KDM2B: variants seen among roughly 807,000 people sequenced by gnomAD.
The protein encoded by KDM2B is lysine-specific demethylase 2B.
Under a neutral mutation model 150.0 loss-of-function variants are expected in KDM2B, and 26 were observed. The observed-to-expected ratio is 0.17, with a 90% CI of 0.13 to 0.24. The LOEUF (loss-of-function observed/expected upper bound fraction) is 0.24, where lower values mean the gene tolerates loss of function less well. Ranked by LOEUF, KDM2B falls within the 10% of genes least tolerant of loss-of-function variation. KDM2B has a pLI of 1.00. For missense variants in KDM2B, 1,265 were observed against 1,816.9 expected, an observed-to-expected ratio of 0.70 and a Z score of 5.52; for synonymous variants, 734 against 729.5, an observed-to-expected ratio of 1.01 and a Z score of -0.10.
At chr12:121,420,782 G>C in the KDM2B span, 1 of 1,605,108 alleles carries the variant, frequency 6.2e-7, no homozygotes, top group Admixed American at 1.7e-5. Context: ...AAGTCCTGTA[G>C]GTTTATCTTT....
intron 4 of KDM2B, among the ~76,000 whole-genome samples, chr12:121,564,253 C>G (rs1387766896): frequency 6.6e-6 from 1 of 151,776 alleles, no homozygotes; most frequent in Non-Finnish European, 1.5e-5. Context: ...GTCAGGAGAT[C>G]GAGACCATCC....
intron 12 of KDM2B, among the ~76,000 whole-genome samples, chr12:121,459,973 T>C (rs951543360): frequency 9.2e-5 from 14 of 152,080 alleles, no homozygotes; most frequent in Non-Finnish European, 1.5e-4. Context: ...AACTCAATAA[T>C]AAAGAGATGA....
the KDM2B span, chr12:121,420,304 T>G: frequency 2.5e-6 from 4 of 1,583,602 alleles, no homozygotes; most frequent in South Asian, 3.4e-5. Context: ...ATGAGGATGA[T>G]GATGATGAAG....
At chr12:121,455,413 T>C (rs1878058832) in intron 12 of KDM2B, among the ~76,000 whole-genome samples, 1 of 152,078 alleles carries the variant, frequency 6.6e-6, no homozygotes, top group African/African-American at 2.4e-5. Flanking sequence ...AAAGGGACCA[T>C]CCAAAGCAGC....
chr12:121,504,462 G>A (rs1174336814), intron 11 of KDM2B, among the ~76,000 whole-genome samples: 1 of 152,144 alleles, frequency 6.6e-6, no homozygotes, highest in Non-Finnish European at 1.5e-5. Flanking sequence ...TTGAGCCTGG[G>A]GGGTTGAGGC....
intron 11 of KDM2B, among the ~76,000 whole-genome samples, chr12:121,495,548 C>T (rs1883842863): frequency 6.6e-6 from 1 of 152,208 alleles, no homozygotes; most frequent in African/African-American, 2.4e-5. Context: ...AATCCTCCCT[C>T]CTTAGCCTAC....
rs1883719812 is a variant in KDM2B at position 121,494,651 on chromosome 12, C to T, written c.1662G>A (p.Glu554=). The T allele has an allele frequency of 6.2e-7, 1 of 1,612,190 alleles. No individual in the cohort carries two copies. The highest frequency in any genetic ancestry group is 1.1e-5 in the South Asian group (1 of 90,708). The change falls in exon 12 of 23, where the codon GAG becomes GAA. Residue 554 remains glutamate (E), a synonymous_variant. Transcript: ENST00000377071. ...LLEGVKNVLK[E]HADDDPSLAI... ...CCAGACTAGGGTCATCATCTGCGTGCTCCTTCAGGACGTTCTGTGGCCAAA... is the reference window on the plus strand; with the variant it reads ...CCAGACTAGGGTCATCATCTGCGTGTTCCTTCAGGACGTTCTGTGGCCAAA...
chr12:121,446,654 T>C lies in KDM2B; in HGVS notation c.1960-1236A>G, dbSNP rs570386965. Among the ~76,000 whole-genome samples the C allele has an allele frequency of 3.9e-4, 60 of 152,330 alleles. No homozygotes were observed. The South Asian group carries it at 0.01, about 26-fold the overall frequency. ...CTGATAGAAACCCCCTGGACACTGG[T>C]GTATTTTTGTGAAGATCAAAGAAGT... On this transcript the variant is annotated intron_variant, in intron 13 of 22. Coordinates refer to ENST00000377071, the MANE Select transcript of KDM2B (RefSeq NM_032590.5).
chr12:121,420,450 A>G, the KDM2B span: 29 of 1,554,366 alleles, frequency 1.9e-5, no homozygotes, highest in Non-Finnish European at 2.3e-5. Flanking sequence ...TGAATGTAGG[A>G]CAGTATACTG....
At chr12:121,444,336 T>TC in intron 15 of KDM2B, 64 bp from the exon 16 acceptor site, 1 of 1,607,488 alleles carries the variant, frequency 6.2e-7, no homozygotes, top group South Asian at 1.1e-5. Context: ...CCCTTCCTCC[T>TC]CCCCAGGCCG....
intron 11 of KDM2B, among the ~76,000 whole-genome samples, chr12:121,499,384 G>A (rs1474402554): frequency 6.6e-6 from 1 of 151,186 alleles, no homozygotes. Context: ...GCCTCCCAAA[G>A]TGCTAGGATT....
At chr12:121,459,747 T>C (rs1878836301) in intron 12 of KDM2B, among the ~76,000 whole-genome samples, 1 of 151,922 alleles carries the variant, frequency 6.6e-6, no homozygotes, top group Non-Finnish European at 1.5e-5. Context: ...AGAGAATCGC[T>C]TGAACCCAGG....
chr12:121,510,796 AAAT>A (rs58239095), intron 10 of KDM2B, among the ~76,000 whole-genome samples: 88,821 of 146,276 alleles, frequency 0.61, 28,552 homozygotes, highest in African/African-American at 0.83. Flanking sequence ...CTGTCTCAAA[AAAT>A]AATAATAATA....
Position 121,509,946 on chromosome 12 carries a change from T to G in KDM2B, c.1268A>C (p.Glu423Ala). 2 of 1,611,840 alleles carry G rather than the reference T, an allele frequency of 1.2e-6. No homozygotes were observed. Among genetic ancestry groups the G allele is most frequent in the Non-Finnish European group, 1.7e-6 (2 of 1,179,154 alleles). The change falls in exon 11 of 23, where the codon GAG (glutamate) becomes GCG (alanine). Residue 423 changes from glutamate (E) to alanine (A), a missense_variant. Around this residue, in one of 11 missense-constraint regions of KDM2B, gnomAD observed 154 missense variants for 162.5 expected, o/e 0.95. Coordinates refer to ENST00000377071, the MANE Select transcript of KDM2B (RefSeq NM_032590.5). ...GCCCTCGCCCTCCTCGTCCTTCTCC[T>G]CCTCCTCCTGAGGCTGCTGATCACA... ...EACDQQPQEE[E>A]EKDEEGEGRD...
chr12:121,469,644 T>C (rs533398457), intron 12 of KDM2B: 1 of 150,028 alleles, frequency 6.7e-6, no homozygotes, highest in South Asian at 2.1e-4. Flanking sequence ...GCTACCTTGT[T>C]GTCTGAAGTT....
chr12:121,550,113 C>T (rs1218298168), intron 4 of KDM2B, among the ~76,000 whole-genome samples: 1 of 152,136 alleles, frequency 6.6e-6, no homozygotes, highest in East Asian at 1.9e-4. Context: ...AGTTCGAGAC[C>T]AGCCTGGCCA....
downstream of KDM2B, among the ~76,000 whole-genome samples, chr12:121,426,774 T>G (rs1872533486): frequency 6.6e-6 from 1 of 152,002 alleles, no homozygotes; most frequent in South Asian, 2.1e-4. Context: ...CACAGGTGCA[T>G]ACTACACTCC....
intron 4 of KDM2B, among the ~76,000 whole-genome samples, chr12:121,554,497 G>A (rs1012878231): frequency 6.6e-6 from 1 of 151,256 alleles, no homozygotes; most frequent in Non-Finnish European, 1.5e-5. Context: ...TGCAACCTCT[G>A]CCTCCCAGGT....
chr12:121,438,041 G>A (rs968705678), intron 22 of KDM2B, among the ~76,000 whole-genome samples: 3 of 152,042 alleles, frequency 2.0e-5, no homozygotes, highest in Non-Finnish European at 4.4e-5. Context: ...ATCACCTGAG[G>A]TGAGGAATTT....
Sources: allele counts gnomAD v4.1 joint callset (sites outside exome capture counted in the v4.1 genomes callset), GRCh38; gene constraint gnomAD v4.1.1; regional missense constraint gnomAD v4.1.1; transcripts MANE v1.5; gene names NCBI Gene and HGNC (gene_info 2026-07-23, HGNC 2026-07-21).